OPHN1: variants seen among roughly 807,000 people sequenced by gnomAD.
OPHN1 encodes oligophrenin 1.
A neutral mutation model predicts 60.7 loss-of-function variants in OPHN1; 11 were observed. The observed-to-expected ratio is 0.18, with a 90% CI of 0.11 to 0.30. The LOEUF (loss-of-function observed/expected upper bound fraction) is 0.30, where lower values mean the gene tolerates loss of function less well. Ranked by LOEUF, OPHN1 falls within the 10% of genes least tolerant of loss-of-function variation. OPHN1 has a pLI of 1.00. For synonymous variants in OPHN1, 226 were observed against 222.6 expected (o/e 1.02, Z -0.14); for missense variants, 449 against 611.0 (o/e 0.73, Z 2.80).
At chrX:68,314,210 T>C (rs994455650) in intron 2 of OPHN1, among the ~76,000 whole-genome samples, 2 of 111,364 alleles carry the variant, frequency 1.8e-5, no homozygotes, top group Non-Finnish European at 3.8e-5. Flanking sequence ...CATTAGGAGA[T>C]TGAATCAGTA....
intron 2 of OPHN1, among the ~76,000 whole-genome samples, chrX:68,334,384 T>A (rs1476186370): frequency 4.5e-4 from 50 of 112,007 alleles, no homozygotes; most frequent in Non-Finnish European, 1.3e-4. Flanking sequence ...GCTACTGATA[T>A]GACAGGACAA....
At chrX:68,411,063 A>G (rs1434554445) in intron 2 of OPHN1, among the ~76,000 whole-genome samples, 1 of 112,103 alleles carries the variant, frequency 8.9e-6, no homozygotes, top group Admixed American at 9.5e-5. Context: ...AATAGGAGAA[A>G]AGGCATACAA....
intron 5 of OPHN1, among the ~76,000 whole-genome samples, chrX:68,271,430 G>C (rs945336938): frequency 1.9e-4 from 21 of 109,754 alleles, no homozygotes; most frequent in African/African-American, 7.0e-4. Context: ...CCAGCAACTT[G>C]AGAGGCTGAG....
chrX:68,244,155 C>A (rs1029486116), intron 5 of OPHN1, among the ~76,000 whole-genome samples: 1 of 111,699 alleles, frequency 9.0e-6, no homozygotes, highest in Non-Finnish European at 1.9e-5. Flanking sequence ...CTTGTTCCTA[C>A]CTCAGGACCT....
intron 6 of OPHN1, 127 bp downstream of exon 6, chrX:68,234,360 C>T (rs1256546593): frequency 3.6e-6 from 2 of 554,389 alleles, no homozygotes. Flanking sequence ...GTTTTGACTA[C>T]AAGTGCTACT....
At chrX:68,423,983 A>G (rs1366632487) in intron 2 of OPHN1, among the ~76,000 whole-genome samples, 2 of 110,657 alleles carry the variant, frequency 1.8e-5, no homozygotes, top group African/African-American at 6.6e-5. Flanking sequence ...TCTGGCCAAC[A>G]TGGTGAAACC....
chrX:68,227,095 T>G (rs764305735), intron 6 of OPHN1, among the ~76,000 whole-genome samples: 10 of 111,064 alleles, frequency 9.0e-5, no homozygotes, highest in Non-Finnish European at 7.5e-5. Context: ...AAAAAAGGCA[T>G]GGGTTGCAAT....
chrX:68,051,902 C>T (rs2076853230), intron 23 of OPHN1, among the ~76,000 whole-genome samples: 1 of 111,374 alleles, frequency 9.0e-6, no homozygotes, highest in Non-Finnish European at 1.9e-5. Flanking sequence ...AAAACAGAGA[C>T]ATATAGAGTG....
At chrX:68,076,729 A>G (rs1433032528) in intron 19 of OPHN1, among the ~76,000 whole-genome samples, 1 of 112,184 alleles carries the variant, frequency 8.9e-6, no homozygotes, top group African/African-American at 3.2e-5. Context: ...AAATGTTTGC[A>G]GCAGACCCAA....
chrX:68,152,880 C>A (rs775393147), intron 15 of OPHN1, among the ~76,000 whole-genome samples: 25 of 111,034 alleles, frequency 2.3e-4, no homozygotes, highest in Non-Finnish European at 4.0e-4. Flanking sequence ...GGCTATAGGG[C>A]AGACAATAGC....
chrX:68,136,176 T>A (rs1033864393), intron 15 of OPHN1, among the ~76,000 whole-genome samples: 4 of 110,531 alleles, frequency 3.6e-5, no homozygotes, highest in African/African-American at 1.3e-4. Context: ...AGTTATTAAA[T>A]ATATGTGTGT....
intron 18 of OPHN1, among the ~76,000 whole-genome samples, chrX:68,104,541 C>T (rs987367508): frequency 9.0e-6 from 1 of 111,590 alleles, no homozygotes; most frequent in Non-Finnish European, 1.9e-5. Flanking sequence ...CTTTGACAAA[C>T]CTGCCAAAAA....
chrX:68,335,666 C>G (rs1305098795), intron 2 of OPHN1, among the ~76,000 whole-genome samples: 2 of 111,796 alleles, frequency 1.8e-5, no homozygotes, highest in East Asian at 5.6e-4. Flanking sequence ...CGGTGGCTCA[C>G]GCCTGTAAAA....
chrX:68,180,685 C>G (rs927238460), intron 15 of OPHN1, among the ~76,000 whole-genome samples: 4 of 111,803 alleles, frequency 3.6e-5, no homozygotes, highest in African/African-American at 1.3e-4. Context: ...GAACCGGAAC[C>G]AAAGGCAGGC....
At chrX:68,158,571 C>T (rs1051249482) in intron 15 of OPHN1, among the ~76,000 whole-genome samples, 5 of 112,065 alleles carry the variant, frequency 4.5e-5, no homozygotes, top group Non-Finnish European at 5.6e-5. Context: ...TGATGGTATA[C>T]GGCAAATGGA....
chrX:68,280,303 T>C (rs756616329), intron 4 of OPHN1, among the ~76,000 whole-genome samples: 2 of 112,043 alleles, frequency 1.8e-5, no homozygotes, highest in Non-Finnish European at 3.8e-5. Context: ...ACTATGTTAT[T>C]TGGAGCACTT....
intron 6 of OPHN1, among the ~76,000 whole-genome samples, chrX:68,233,252 C>A (rs2077737171): frequency 8.9e-6 from 1 of 111,743 alleles, no homozygotes; most frequent in African/African-American, 3.3e-5. Flanking sequence ...GACCTATTAC[C>A]TTCAAGCACC....
chrX:68,195,063 G>GAAGA (rs370870291), intron 12 of OPHN1, among the ~76,000 whole-genome samples: 1,746 of 91,942 alleles, frequency 0.019, 18 homozygotes, highest in Middle Eastern at 0.029. Flanking sequence ...AGGAAGGAAG[G>GAAGA]AAGAAAGAAA....
intron 2 of OPHN1, among the ~76,000 whole-genome samples, chrX:68,377,953 G>A (rs1408587611): frequency 8.9e-6 from 1 of 111,732 alleles, no homozygotes; most frequent in African/African-American, 3.3e-5. Flanking sequence ...CCCAGTAATG[G>A]GATGGCTGGG....
Sources: allele counts gnomAD v4.1 joint callset (sites outside exome capture counted in the v4.1 genomes callset), GRCh38; gene constraint gnomAD v4.1.1; transcripts MANE v1.5; gene names NCBI Gene and HGNC (gene_info 2026-07-23, HGNC 2026-07-21).